Variants in ARHGAP25 observed in about 807,000 individuals in gnomAD.
The protein encoded by ARHGAP25 is Rho GTPase activating protein 25.
A neutral mutation model predicts 71.0 loss-of-function variants in ARHGAP25; 34 were observed. That is an observed-to-expected ratio of 0.48 (90% CI 0.36 to 0.64). The LOEUF is 0.64. Ranked by LOEUF, ARHGAP25 falls within the 30% of genes least tolerant of loss-of-function variation. ARHGAP25 has a pLI of 0.00. For synonymous variants in ARHGAP25, 282 were observed against 296.5 expected (o/e 0.95, Z 0.50); for missense variants, 706 against 805.1 (o/e 0.88, Z 1.49).
chr2:68,784,036 A>G (rs764253105), intron 3 of ARHGAP25, among the ~76,000 whole-genome samples: 2 of 151,760 alleles, frequency 1.3e-5, no homozygotes, highest in African/African-American at 4.8e-5. Flanking sequence ...AAAAATACCT[A>G]CTCTTCAACA....
intron 2 of ARHGAP25, among the ~76,000 whole-genome samples, chr2:68,777,393 C>T (rs927417872): frequency 6.6e-6 from 1 of 152,152 alleles, no homozygotes; most frequent in African/African-American, 2.4e-5. Flanking sequence ...GACAATACTA[C>T]CTGGCCTGCA....
intron 2 of ARHGAP25, chr2:68,775,660 G>T: frequency 1.5e-6 from 1 of 665,022 alleles, no homozygotes; most frequent in Non-Finnish European, 2.7e-6. Context: ...ACATGGCTCT[G>T]AGTCAAGACT....
At chr2:68,761,826 A>T (rs1676839810) in intron 1 of ARHGAP25, among the ~76,000 whole-genome samples, 1 of 152,206 alleles carries the variant, frequency 6.6e-6, no homozygotes, top group African/African-American at 2.4e-5. Flanking sequence ...ACAGTATAGC[A>T]GTTCCACAAA....
chr2:68,818,695 G>A (rs1057287965), intron 8 of ARHGAP25, among the ~76,000 whole-genome samples: 1 of 152,246 alleles, frequency 6.6e-6, no homozygotes, highest in Non-Finnish European at 1.5e-5. Flanking sequence ...GGCTTCTGAG[G>A]CTGTGTCCTG....
chr2:68,775,313 T>C lies in ARHGAP25; in HGVS notation c.154T>C (p.Trp52Arg), dbSNP rs1390855585. 6.2e-7 allele frequency: 1 copy of C among 1,614,262 alleles called. No individual in the cohort carries two copies. The highest frequency in any genetic ancestry group is 1.1e-5 in the South Asian group (1 of 91,090). ...GCTGGAGAGGCCCATCAAGATGGGC[T>C]GGCTGAAGAAGCAGAGGTCCATCGT... ...NPLERPIKMG[W>R]LKKQRSIVKN... The change falls in exon 2 of 11, where the codon TGG becomes CGG. Residue 52 changes from tryptophan to arginine, a missense_variant. Transcript: ENST00000409202.
At chr2:68,801,931 T>C (rs7573879) in intron 4 of ARHGAP25, among the ~76,000 whole-genome samples, 1 of 152,230 alleles carries the variant, frequency 6.6e-6, no homozygotes, top group Non-Finnish European at 1.5e-5. Flanking sequence ...TTTTTCATTC[T>C]TCCTTTCATA....
intron 2 of ARHGAP25, among the ~76,000 whole-genome samples, chr2:68,723,814 G>A (rs1016369976): frequency 1.3e-5 from 2 of 151,946 alleles, no homozygotes; most frequent in South Asian, 4.1e-4. Flanking sequence ...GACCCTAATT[G>A]TTCAGGTGTA....
intron 2 of ARHGAP25, among the ~76,000 whole-genome samples, chr2:68,711,337 A>T (rs954674533): frequency 2.0e-5 from 3 of 152,172 alleles, no homozygotes; most frequent in Admixed American, 6.5e-5. Context: ...TGCAAACCAC[A>T]GGTTGATATT....
upstream of ARHGAP25, among the ~76,000 whole-genome samples, chr2:68,732,558 G>A (rs1270512493): frequency 4.6e-5 from 7 of 152,218 alleles, no homozygotes; most frequent in Non-Finnish European, 7.3e-5. Flanking sequence ...CAAGTTCAGC[G>A]GAATCCAGCT....
intron 1 of ARHGAP25, among the ~76,000 whole-genome samples, chr2:68,740,756 C>T (rs1196377151): frequency 6.6e-6 from 1 of 152,220 alleles, no homozygotes; most frequent in African/African-American, 2.4e-5. Flanking sequence ...CCACAAGTAA[C>T]TGATCCTTTG....
chr2:68,775,740 A>C (rs1677844494), intron 2 of ARHGAP25: 1 of 529,902 alleles, frequency 1.9e-6, no homozygotes, highest in African/African-American at 1.9e-5. Context: ...GTTCAGGAAA[A>C]CCGATTTTGG....
At chr2:68,710,591 A>G (rs1279659531) in exon 2 of ARHGAP25, 1 of 152,190 alleles carries the variant, frequency 6.6e-6, no homozygotes, top group South Asian at 2.1e-4. Flanking sequence ...TGTTCCAGCT[A>G]AAGGACACAC....
chr2:68,820,666 C>A (rs959271518), intron 9 of ARHGAP25, among the ~76,000 whole-genome samples: 3 of 152,120 alleles, frequency 2.0e-5, no homozygotes, highest in African/African-American at 7.2e-5. Flanking sequence ...AATATATGCA[C>A]ATGGTTCAAG....
chr2:68,822,755 C>T lies in ARHGAP25; in HGVS notation c.1616C>T (p.Thr539Ile), dbSNP rs1681798837. The change falls in exon 10 of 11, where the codon ACT (threonine) becomes ATT (isoleucine). Residue 539 changes from threonine (T) to isoleucine (I), a missense_variant. Physicochemically the swap from Thr to Ile is moderately conservative, Grantham distance 89. Coordinates refer to ENST00000409202, the MANE Select transcript of ARHGAP25 (RefSeq NM_001007231.3). The part of the protein sequence containing the change: ...GDTLASPNSE[T>I]GPGKKNSGEE... ...ACTCTTGCCAGTCCAAACTCTGAAA[C>T]TGGGCCTGGAAAAAAGAACTCTGGA... 2 of 1,614,204 alleles carry T rather than the reference C, an allele frequency of 1.2e-6. No individual in the cohort carries two copies. The highest frequency in any genetic ancestry group is 4.5e-5 in the East Asian group (2 of 44,884).
intron 9 of ARHGAP25, 61 bp downstream of exon 9, chr2:68,819,380 T>A: frequency 6.4e-7 from 1 of 1,566,534 alleles, no homozygotes; most frequent in Non-Finnish European, 8.8e-7. Flanking sequence ...GGCCATCCCA[T>A]GTAAGGCCTG....
rs535850108 is a variant in ARHGAP25 at position 68,809,027 on chromosome 2, C to T, written c.674+1547C>T. ...GTCATCGGGGGCTTTTCAGGGGCTT[C>T]GCAGGGGCAACTCTTAGGTCCACAT... On this transcript the variant is annotated intron_variant, in intron 5 of 10. Coordinates refer to ENST00000409202, the MANE Select transcript of ARHGAP25 (RefSeq NM_001007231.3). 2.5e-4 allele frequency among the ~76,000 whole-genome samples: 38 copies of T among 152,202 alleles called. No individual in the cohort carries two copies. The South Asian group carries it at 6.2e-3, about 25-fold the overall frequency.
chr2:68,740,540 TA>T (rs1406868893), intron 1 of ARHGAP25, among the ~76,000 whole-genome samples: 1 of 152,180 alleles, frequency 6.6e-6, no homozygotes, highest in Non-Finnish European at 1.5e-5. Flanking sequence ...GGGTCTCCCT[TA>T]CCACCACCAG....
intron 5 of ARHGAP25, among the ~76,000 whole-genome samples, chr2:68,812,147 A>G (rs1439233774): frequency 1.3e-5 from 2 of 152,308 alleles, no homozygotes; most frequent in East Asian, 3.9e-4. Flanking sequence ...TTGCAACTAT[A>G]ATACTCTGCT....
upstream of ARHGAP25, among the ~76,000 whole-genome samples, chr2:68,731,315 A>G (rs377027006): frequency 2.2e-4 from 33 of 151,866 alleles, no homozygotes; most frequent in Admixed American, 8.5e-4. Context: ...ACGAGCTGGG[A>G]TCTTGGGTGC....
Sources: gnomAD v4.1 joint callset for allele counts (sites outside exome capture counted in the v4.1 genomes callset) on GRCh38, gnomAD v4.1.1 for gene constraint, MANE v1.5 for transcripts, NCBI Gene and HGNC (gene_info 2026-07-23, HGNC 2026-07-21) for gene names.